Variants in MRE11 observed in about 807,000 individuals in gnomAD.
The protein encoded by MRE11 is double-strand break repair protein MRE11.
Under a neutral mutation model 91.7 loss-of-function variants are expected in MRE11, and 62 were observed. The observed-to-expected ratio is 0.68, with a 90% CI of 0.55 to 0.84. The LOEUF (loss-of-function observed/expected upper bound fraction) is 0.84, where lower values mean the gene tolerates loss of function less well. Among genes scored for constraint, MRE11 ranks in the 40% least tolerant of loss-of-function variants. The pLI is 0.00. For synonymous variants in MRE11, 273 were observed against 271.4 expected (o/e 1.01, Z -0.06); for missense variants, 796 against 852.9 (o/e 0.93, Z 0.83).
At chr11:94,457,563 A>C (rs980970438) in intron 13 of MRE11, among the ~76,000 whole-genome samples, 4 of 152,306 alleles carry the variant, frequency 2.6e-5, no homozygotes, top group African/African-American at 9.6e-5. Context: ...CTAGGTGATA[A>C]GTAGCATACC....
chr11:94,479,383 C>G (rs1466584404), intron 5 of MRE11, among the ~76,000 whole-genome samples: 1 of 152,142 alleles, frequency 6.6e-6, no homozygotes, highest in African/African-American at 2.4e-5. Flanking sequence ...TATAAAAACA[C>G]TGACAAACTG....
Position 94,418,688 on chromosome 11 carries a change from A to G in MRE11, c.*1437T>C, listed in dbSNP as rs766061236. ...CTAGAAATATTAGATTTCAAGTTCA[A>G]TAAAGATGTGGGCAGATCTGCCTAA... On this transcript the variant is annotated 3_prime_UTR_variant, in exon 20 of 20. Transcript: ENST00000323929. 1 of 232,498 alleles carries G rather than the reference A, an allele frequency of 4.3e-6. No homozygotes were observed. Among genetic ancestry groups the G allele is most frequent in the African/African-American group, 2.2e-5 (1 of 45,334 alleles). The allele number at this position is 232,498 out of a possible 1,614,324, so 14.4% of individuals were successfully genotyped here.
chr11:94,492,493 G>A (rs1172764570), intron 2 of MRE11: 23 of 595,522 alleles, frequency 3.9e-5, no homozygotes, highest in Middle Eastern at 8.9e-4. Context: ...GAAAATTCAA[G>A]AATATTTATC....
intron 2 of MRE11, 111 bp downstream of exon 2, chr11:94,492,671 A>C: frequency 6.8e-7 from 1 of 1,476,582 alleles, no homozygotes; most frequent in South Asian, 1.2e-5. Flanking sequence ...TTCTGTTCAT[A>C]AACAGGTTCC....
chr11:94,452,834 A>G (rs1434451260), intron 14 of MRE11, among the ~76,000 whole-genome samples: 2 of 152,154 alleles, frequency 1.3e-5, no homozygotes, highest in African/African-American at 4.8e-5. Flanking sequence ...GTGGTGAAAT[A>G]TACATAACAT....
Position 94,479,715 on chromosome 11 carries a change from G to T in MRE11, c.361C>A (p.Pro121Thr). The T allele has an allele frequency of 1.2e-6, 2 of 1,612,900 alleles. No individual in the cohort carries two copies. Among genetic ancestry groups the T allele is most frequent in the Non-Finnish European group, 1.7e-6 (2 of 1,179,702 alleles). The change falls in exon 5 of 20, where the codon CCA becomes ACA. Residue 121 changes from proline (P) to threonine (T), a missense_variant. Transcript: ENST00000323929. ...YQDGNLNISI[P>T]VFSIHGNHDD... ...TGATTGCCATGAATACTAAACACTG[G>T]AATTGAAATGTTGAGGTTGCCATCT... is the stretch of plus-strand genomic sequence containing the variant.
chr11:94,437,327 C>T (rs934124414), intron 16 of MRE11, 92 bp from the exon 17 acceptor site: 4 of 1,190,060 alleles, frequency 3.4e-6, no homozygotes, highest in Admixed American at 4.1e-5. Context: ...TTTCTGAGTC[C>T]TATCTGCAAA....
chr11:94,476,290 T>C lies in MRE11; in HGVS notation c.658A>G (p.Arg220Gly). The C allele has an allele frequency of 2.5e-6, 4 of 1,602,782 alleles. No individual in the cohort carries two copies. Among genetic ancestry groups the C allele is most frequent in the Non-Finnish European group, 3.4e-6 (4 of 1,169,884 alleles). Residue 220 changes from arginine (R) to glycine (G), a missense_variant and splice_region_variant, in exon 7 of 20, where the codon AGG becomes GGG. Coordinates refer to ENST00000323929, the MANE Select transcript of MRE11 (RefSeq NM_005591.4). ...WFNLFVIHQNRSKHGSTNFIP... is the reference protein window; with the variant it reads ...WFNLFVIHQNGSKHGSTNFIP... ...AACTTTTTCAGAGAAAAGTTTTACCTGTTCTGATGAATCACAAATAAGTTA... is the reference window on the plus strand; with the variant it reads ...AACTTTTTCAGAGAAAAGTTTTACCCGTTCTGATGAATCACAAATAAGTTA...
At chr11:94,477,134 T>C (rs1946883185) in intron 6 of MRE11, among the ~76,000 whole-genome samples, 1 of 152,232 alleles carries the variant, frequency 6.6e-6, no homozygotes, top group Non-Finnish European at 1.5e-5. Context: ...TTTTCTATGG[T>C]AAAATTCTTA....
chr11:94,502,542 C>A, the MRE11 span, among the ~76,000 whole-genome samples: 1 of 152,138 alleles, frequency 6.6e-6, no homozygotes, highest in East Asian at 1.9e-4. Flanking sequence ...ACTGCATTTG[C>A]TTTTAAAGCT....
Position 94,447,541 on chromosome 11 carries a change from T to A in MRE11, c.1564-103A>T. On this transcript the variant is annotated intron_variant, in intron 14 of 19. Transcript: ENST00000323929. ...ATGAACTAATCATACTATAAAAACA[T>A]AAAGGAGGCTGACACAGTGGCTCAC... The A allele has an allele frequency of 7.6e-6, 9 of 1,185,268 alleles. No individual in the cohort carries two copies. In the South Asian group the frequency reaches 1.0e-4, roughly 13 times the overall value. The allele number at this position is 1,185,268 out of a possible 1,614,324, so 73.4% of individuals were successfully genotyped here.
chr11:94,456,795 A>G (rs541199224), intron 13 of MRE11, among the ~76,000 whole-genome samples: 1 of 152,310 alleles, frequency 6.6e-6, no homozygotes, highest in African/African-American at 2.4e-5. Flanking sequence ...ATTTTTATTA[A>G]GAGTCAACTC....
In MRE11 at chr11:94,491,068, G is replaced by C. The variant is rs540157985; in HGVS notation, c.21-103C>G. 3.8e-5 allele frequency: 29 copies of C among 770,942 alleles called. No individual in the cohort carries two copies. The South Asian group carries it at 4.9e-4, about 13-fold the overall frequency. 47.8% of individuals were successfully genotyped at this position (770,942 alleles called of 1,614,324 possible). A position where few individuals can be genotyped will look rare whatever the true frequency, so the allele number is the denominator to read the frequency against. ...TAAAATAAATAATAACAGTTATAGA[G>C]TAAAATCATTTTTTTTAGCCTTAGA... On this transcript the variant is annotated intron_variant, in intron 2 of 19. Coordinates refer to ENST00000323929, the MANE Select transcript of MRE11 (RefSeq NM_005591.4).
intron 13 of MRE11, among the ~76,000 whole-genome samples, chr11:94,457,018 C>CA (rs1433492030): frequency 6.6e-6 from 1 of 152,050 alleles, no homozygotes; most frequent in Non-Finnish European, 1.5e-5. Context: ...ACAAAACAGA[C>CA]AAAAAGCTGC....
chr11:94,420,063 C>G lies in MRE11; in HGVS notation c.*62G>C. On this transcript the variant is annotated 3_prime_UTR_variant, in exon 20 of 20. Coordinates refer to ENST00000323929, the MANE Select transcript of MRE11 (RefSeq NM_005591.4). ...TACTTAAAATCTTAAACTGTAAACT[C>G]TTAGCTTGTAACATTTTCATTTTTC... The G allele has an allele frequency of 2.2e-6, 3 of 1,349,244 alleles. No individual in the cohort carries two copies. The highest frequency in any genetic ancestry group is 3.2e-6 in the Non-Finnish European group (3 of 950,812). 83.6% of individuals were successfully genotyped at this position (1,349,244 alleles called of 1,614,324 possible).
intron 16 of MRE11, among the ~76,000 whole-genome samples, chr11:94,442,326 A>C (rs1945803601): frequency 6.6e-6 from 1 of 152,218 alleles, no homozygotes; most frequent in African/African-American, 2.4e-5. Context: ...TAAAAAACAA[A>C]AACCAACAAG....
chr11:94,435,776 T>C, intron 18 of MRE11, 56 bp downstream of exon 18: 2 of 1,443,202 alleles, frequency 1.4e-6, no homozygotes, highest in Non-Finnish European at 9.7e-7. Context: ...TTTGGAATTC[T>C]GGATAATTTT....
intron 3 of MRE11, among the ~76,000 whole-genome samples, chr11:94,487,798 G>A (rs963372814): frequency 6.6e-6 from 1 of 152,166 alleles, no homozygotes; most frequent in Non-Finnish European, 1.5e-5. Flanking sequence ...CCTGGGTGAC[G>A]GGTAAGGAAT....
the MRE11 span, among the ~76,000 whole-genome samples, chr11:94,511,694 G>T: frequency 6.6e-6 from 1 of 152,172 alleles, no homozygotes; most frequent in Admixed American, 6.5e-5. Context: ...TCCTATATTT[G>T]GTTGCAAGCC....
Sources: gnomAD v4.1 joint callset for allele counts (sites outside exome capture counted in the v4.1 genomes callset) on GRCh38, gnomAD v4.1.1 for gene constraint, MANE v1.5 for transcripts, NCBI Gene and HGNC (gene_info 2026-07-23, HGNC 2026-07-21) for gene names.